CYP2C18: variants seen among roughly 807,000 people sequenced by gnomAD.
CYP2C18 encodes the protein cytochrome P450 2C18.
CYP2C18 carries 38 observed loss-of-function variants against 41.3 expected under a neutral mutation model. That is an observed-to-expected ratio of 0.92 (90% confidence interval 0.71 to 1.21). The LOEUF (loss-of-function observed/expected upper bound fraction) is 1.21. CYP2C18 is among the 50% of genes most tolerant of loss of function. The pLI, the probability that CYP2C18 is intolerant of heterozygous loss-of-function variation, is 0.00. For missense variants in CYP2C18, 635 were observed against 591.4 expected, an observed-to-expected ratio of 1.07 and a Z score of -0.77; for synonymous variants, 236 against 210.0, an observed-to-expected ratio of 1.12 and a Z score of -1.07.
At chr10:94,715,674 T>G (rs1470147824) in intron 5 of CYP2C18, among the ~76,000 whole-genome samples, 1 of 152,202 alleles carries the variant, frequency 6.6e-6, no homozygotes, top group Non-Finnish European at 1.5e-5. Flanking sequence ...CAGGCTTTGG[T>G]ATTACGATGA....
intron 4 of CYP2C18, among the ~76,000 whole-genome samples, chr10:94,699,336 A>T (rs940129436): frequency 6.6e-6 from 1 of 152,210 alleles, no homozygotes; most frequent in African/African-American, 2.4e-5. Flanking sequence ...TACACAAATC[A>T]ATAAACGTAA....
chr10:94,725,564 T>G (rs1327884882), intron 7 of CYP2C18, among the ~76,000 whole-genome samples: 1 of 152,130 alleles, frequency 6.6e-6, no homozygotes, highest in Non-Finnish European at 1.5e-5. Flanking sequence ...TGGGTGGAGA[T>G]TTAACATCTC....
At chr10:94,728,635 C>T in intron 7 of CYP2C18, 1 of 973,138 alleles carries the variant, frequency 1.0e-6, no homozygotes, top group Non-Finnish European at 1.2e-6. Context: ...ATCAACCCCT[C>T]AATAAATTTT....
intron 4 of CYP2C18, among the ~76,000 whole-genome samples, chr10:94,700,181 G>C (rs1589796558): frequency 6.6e-6 from 1 of 152,144 alleles, no homozygotes; most frequent in East Asian, 1.9e-4. Flanking sequence ...TCAATCCTAA[G>C]CCGAAAGAAC....
chr10:94,720,622 T>A, intron 6 of CYP2C18, 85 bp downstream of exon 6: 4 of 1,308,428 alleles, frequency 3.1e-6, no homozygotes, highest in African/African-American at 1.5e-5. Context: ...TTGTTTCTCT[T>A]AGAGAAGCTT....
intron 5 of CYP2C18, among the ~76,000 whole-genome samples, chr10:94,715,321 A>G (rs565927497): frequency 6.6e-6 from 1 of 152,334 alleles, no homozygotes; most frequent in East Asian, 1.9e-4. Context: ...TGGGTTTGTC[A>G]TAAATAGCTC....
At chr10:94,703,969 C>T (rs1470113194) in intron 4 of CYP2C18, among the ~76,000 whole-genome samples, 1 of 152,148 alleles carries the variant, frequency 6.6e-6, no homozygotes, top group Non-Finnish European at 1.5e-5. Flanking sequence ...CATGGCTTCC[C>T]TTGGCTAGGG....
rs1847907895 is a variant in CYP2C18 at position 94,735,601 on chromosome 10, A to C, written c.*157A>C. ...AAGATCCAATGAACATCCAACCTCC[A>C]TTAAAGAGAGTTTCTTGGGTCACTT... On this transcript the variant is annotated 3_prime_UTR_variant, in exon 9 of 9. Transcript: ENST00000285979. The C allele has an allele frequency of 1.1e-5, 8 of 711,074 alleles. No individual in the cohort carries two copies. The South Asian group carries it at 1.5e-4, about 13-fold the overall frequency. The allele number at this position is 711,074 out of a possible 1,614,324, so 44.0% of individuals were successfully genotyped here.
At chr10:94,713,503 A>T (rs1299525845) in intron 5 of CYP2C18, among the ~76,000 whole-genome samples, 1 of 152,150 alleles carries the variant, frequency 6.6e-6, no homozygotes, top group African/African-American at 2.4e-5. Context: ...CCTACAAGGG[A>T]TACGAACTCA....
chr10:94,697,882 C>G (rs112441032), intron 4 of CYP2C18, among the ~76,000 whole-genome samples: 90 of 152,138 alleles, frequency 5.9e-4, no homozygotes, highest in Middle Eastern at 3.4e-3. Context: ...AAGAGACAAA[C>G]AAGGCCATTA....
Position 94,696,010 on chromosome 10 carries a change from G to A in CYP2C18, c.642+933G>A, listed in dbSNP as rs372182296. On this transcript the variant is annotated intron_variant, in intron 4 of 8. Coordinates refer to ENST00000285979, the MANE Select transcript of CYP2C18 (RefSeq NM_000772.3). ...AAGCTGGAACTGGGTGGAGCCCACC[G>A]CAGCTCAAGGAGGCCTGCCTGCCTC... Among the ~76,000 whole-genome samples the A allele has an allele frequency of 7.2e-5, 11 of 152,190 alleles. No individual in the cohort carries two copies. The East Asian group carries it at 7.7e-4, about 11-fold the overall frequency.
In CYP2C18 at chr10:94,735,775, C is replaced by T. The variant is rs1353837108; in HGVS notation, c.*331C>T. 1.3e-5 allele frequency: 3 copies of T among 233,208 alleles called. No homozygotes were observed. The highest frequency in any genetic ancestry group is 5.1e-5 in the Admixed American group (1 of 19,602). The allele number at this position is 233,208 out of a possible 1,614,324, so 14.4% of individuals were successfully genotyped here. ...AAATGACAATTCAGAGCCATTTATT[C>T]TCTGCATGCTCTAGATAAAAATGAT... On this transcript the variant is annotated 3_prime_UTR_variant, in exon 9 of 9. Coordinates refer to ENST00000285979, the MANE Select transcript of CYP2C18 (RefSeq NM_000772.3).
chr10:94,683,917 C>G lies in CYP2C18; in HGVS notation c.98C>G (p.Pro33Arg). 6.2e-7 allele frequency: 1 copy of G among 1,610,866 alleles called. No homozygotes were observed. Among genetic ancestry groups the G allele is most frequent in the Non-Finnish European group, 8.5e-7 (1 of 1,178,520 alleles). ...GGAAGAGGGAGGCTCCCGTCTGGCC[C>G]CACTCCTCTCCCGATTATTGGAAAT... is the stretch of plus-strand genomic sequence containing the variant. ...SSGRGRLPSGPTPLPIIGNIL... is the reference protein window; with the variant it reads ...SSGRGRLPSGRTPLPIIGNIL... The change falls in exon 1 of 9, where the codon CCC becomes CGC. Residue 33 changes from proline to arginine, a missense_variant. Physicochemically the swap from Pro to Arg is moderately radical, Grantham distance 103 (BLOSUM62 -2). Coordinates refer to ENST00000285979, the MANE Select transcript of CYP2C18 (RefSeq NM_000772.3).
Position 94,733,302 on chromosome 10 carries a change from G to T in CYP2C18, c.1155G>T (p.Thr385=). Reference sequence around the variant, plus strand: ...GTCTGTTTTGCTATTTTCAGGGCACGACCATAATAACATCCCTGACTTCTG... The same window carrying T: ...GTCTGTTTTGCTATTTTCAGGGCACTACCATAATAACATCCCTGACTTCTG... ...KFKNYLIPKG[T]TIITSLTSVL... Residue 385 remains threonine (T), a synonymous_variant, in exon 8 of 9, where the codon ACG becomes ACT. Transcript: ENST00000285979. 2.5e-6 allele frequency: 4 copies of T among 1,612,002 alleles called. No individual in the cohort carries two copies. Among genetic ancestry groups the T allele is most frequent in the Non-Finnish European group, 3.4e-6 (4 of 1,178,982 alleles).
intron 4 of CYP2C18, among the ~76,000 whole-genome samples, chr10:94,704,121 C>T (rs74330414): frequency 0.013 from 1,973 of 152,214 alleles, 54 homozygotes; most frequent in African/African-American, 0.045. Flanking sequence ...GCAGAAATCA[C>T]GGGCCTTCTG....
Position 94,686,838 on chromosome 10 carries a change from T to G in CYP2C18, c.169-932T>G, listed in dbSNP as rs114673104. Among the ~76,000 whole-genome samples the G allele has an allele frequency of 3.1e-3, 476 of 152,294 alleles. 3 individuals are homozygous for G. The highest frequency in any genetic ancestry group is 0.011 in the African/African-American group (449 of 41,572). ...GCCTGCTGCTTTCTTTGCTTCACAG[T>G]CATTTGCTATATTTTTTTGCCTGAA... On this transcript the variant is annotated intron_variant, in intron 1 of 8. Transcript: ENST00000285979.
intron 6 of CYP2C18, among the ~76,000 whole-genome samples, chr10:94,723,325 G>T (rs1244718597): frequency 1.3e-5 from 2 of 152,084 alleles, no homozygotes; most frequent in African/African-American, 2.4e-5. Context: ...TGGATACCAG[G>T]TCTAGAAAAC....
chr10:94,690,732 T>G, intron 3 of CYP2C18, among the ~76,000 whole-genome samples: 1 of 152,108 alleles, frequency 6.6e-6, no homozygotes, highest in Admixed American at 6.6e-5. Flanking sequence ...AAAAAGAGAA[T>G]TTTAGACCAA....
chr10:94,700,841 G>T (rs573352104), intron 4 of CYP2C18, among the ~76,000 whole-genome samples: 15 of 152,164 alleles, frequency 9.9e-5, no homozygotes, highest in African/African-American at 3.6e-4. Flanking sequence ...AAAGAAGACA[G>T]TTATGCAGCC....
Sources: allele counts gnomAD v4.1 joint callset (sites outside exome capture counted in the v4.1 genomes callset), GRCh38; gene constraint gnomAD v4.1.1; transcripts MANE v1.5; gene names NCBI Gene and HGNC (gene_info 2026-07-23, HGNC 2026-07-21).